ACTR3B: variants seen among roughly 807,000 people sequenced by gnomAD.
ACTR3B encodes the protein actin related protein 3B.
A neutral mutation model predicts 59.0 loss-of-function variants in ACTR3B; 8 were observed. That is an observed-to-expected ratio of 0.14 (90% CI 0.08 to 0.24). The LOEUF (loss-of-function observed/expected upper bound fraction) is 0.24, where lower values mean the gene tolerates loss of function less well. Ranked by LOEUF, ACTR3B falls within the 10% of genes least tolerant of loss-of-function variation. ACTR3B has a pLI of 1.00. For missense variants in ACTR3B, 245 were observed against 552.3 expected (o/e 0.44, Z 5.58); for synonymous variants, 148 against 197.9 (o/e 0.75, Z 2.12).
chr7:152,759,985 G>A, intron 1 of ACTR3B, 59 bp downstream of exon 1: 6 of 1,282,006 alleles, frequency 4.7e-6, no homozygotes, highest in Non-Finnish European at 6.0e-6. Flanking sequence ...GGCCCCTGGC[G>A]TCCACCTCGC....
chr7:152,792,716 C>G (rs574803204), intron 2 of ACTR3B, among the ~76,000 whole-genome samples: 2 of 152,162 alleles, frequency 1.3e-5, no homozygotes, highest in South Asian at 4.1e-4. Context: ...CCACTGCACT[C>G]CAGCCTGGGT....
intron 1 of ACTR3B, among the ~76,000 whole-genome samples, chr7:152,770,885 A>G (rs1184295245): frequency 6.9e-6 from 1 of 144,096 alleles, no homozygotes; most frequent in Non-Finnish European, 1.5e-5. Context: ...ACAGAAAATA[A>G]GGAAGGAAAC....
chr7:152,784,448 CG>C (rs1463057013), intron 2 of ACTR3B, among the ~76,000 whole-genome samples: 23 of 152,018 alleles, frequency 1.5e-4, no homozygotes, highest in Non-Finnish European at 2.5e-4. Flanking sequence ...AACCTCATTC[CG>C]GTTCCTTGCT....
rs990941461 is a variant in ACTR3B at position 152,854,460 on chromosome 7, C to T, written c.1164C>T (p.Pro388=). ...WFGGSMLAST[P]EFFQVCHTKK... is the part of the protein sequence containing the mutation. Reference sequence around the variant, plus strand: ...TGTCTGCCTGTTGCCTCTCGTAGCCCGAGTTCTTTCAGGTCTGCCACACCA... The same window carrying T: ...TGTCTGCCTGTTGCCTCTCGTAGCCTGAGTTCTTTCAGGTCTGCCACACCA... The change falls in exon 12 of 12, where the codon CCC becomes CCT. Residue 388 remains proline, a splice_region_variant and synonymous_variant. Transcript: ENST00000256001. This position sits in a 1 kb window ranked among gnomAD's most constrained non-coding sequence, Gnocchi z 4.9. The T allele has an allele frequency of 1.4e-5, 23 of 1,613,788 alleles. No homozygotes were observed. Among genetic ancestry groups the T allele is most frequent in the Admixed American group, 6.7e-5 (4 of 59,988 alleles).
chr7:152,808,522 G>T (rs1262324357), intron 4 of ACTR3B, among the ~76,000 whole-genome samples: 1 of 152,014 alleles, frequency 6.6e-6, no homozygotes, highest in Admixed American at 6.6e-5. Flanking sequence ...GGGTTAATCT[G>T]ATTCTTGTTG....
intron 1 of ACTR3B, among the ~76,000 whole-genome samples, chr7:152,766,183 T>A (rs1157979908): frequency 6.6e-6 from 1 of 152,168 alleles, no homozygotes; most frequent in Non-Finnish European, 1.5e-5. Flanking sequence ...AGGGAAAAGA[T>A]GTGGGGTGGA....
At chr7:152,767,163 G>A (rs2116503569) in intron 1 of ACTR3B, among the ~76,000 whole-genome samples, 1 of 151,402 alleles carries the variant, frequency 6.6e-6, no homozygotes, top group Non-Finnish European at 1.5e-5. Context: ...TTTATCCTGA[G>A]ATAAGGTATG....
chr7:152,846,469 G>A (rs1444622742), intron 9 of ACTR3B, among the ~76,000 whole-genome samples: 1 of 143,680 alleles, frequency 7.0e-6, no homozygotes, highest in African/African-American at 2.6e-5. Flanking sequence ...CCGGGCTGTA[G>A]TCTGTAGTGA....
intron 4 of ACTR3B, among the ~76,000 whole-genome samples, chr7:152,804,414 G>C (rs1473027736): frequency 2.6e-5 from 4 of 152,196 alleles, no homozygotes; most frequent in Non-Finnish European, 5.9e-5. Flanking sequence ...GAGAGCGGGG[G>C]AGTGTGGAGA....
chr7:152,792,841 T>C (rs1324775496), intron 2 of ACTR3B, among the ~76,000 whole-genome samples: 3 of 152,194 alleles, frequency 2.0e-5, no homozygotes, highest in Non-Finnish European at 2.9e-5. Context: ...GTAGGTGTGC[T>C]GTTGACAAAT....
chr7:152,767,168 G>A (rs968799247), intron 1 of ACTR3B, among the ~76,000 whole-genome samples: 1 of 151,700 alleles, frequency 6.6e-6, no homozygotes, highest in African/African-American at 2.4e-5. Flanking sequence ...CCTGAGATAA[G>A]GTATGAAGAA....
At chr7:152,785,478 A>G (rs1767451494) in intron 2 of ACTR3B, among the ~76,000 whole-genome samples, 1 of 41,368 alleles carries the variant, frequency 2.4e-5, no homozygotes. Context: ...GGGGAGGGAG[A>G]GAGAGAGAGA....
At chr7:152,848,431 G>A (rs1005374191) in intron 9 of ACTR3B, among the ~76,000 whole-genome samples, 14 of 152,198 alleles carry the variant, frequency 9.2e-5, no homozygotes, top group Non-Finnish European at 1.8e-4. Context: ...GTTGTCTGTG[G>A]TGGGCTTTAA....
At chr7:152,847,559 G>A (rs1273366450) in intron 9 of ACTR3B, among the ~76,000 whole-genome samples, 2 of 152,156 alleles carry the variant, frequency 1.3e-5, no homozygotes, top group East Asian at 3.8e-4. Flanking sequence ...CTTTTAGTGT[G>A]GAAAATTTGA....
At chr7:152,774,447 T>G (rs1313962175) in intron 1 of ACTR3B, among the ~76,000 whole-genome samples, 2 of 152,304 alleles carry the variant, frequency 1.3e-5, no homozygotes, top group East Asian at 3.9e-4. Context: ...ACATTTTTTT[T>G]TTTTAATTTT....
At chr7:152,778,059 A>G (rs1452138984) in intron 1 of ACTR3B, among the ~76,000 whole-genome samples, 1 of 151,978 alleles carries the variant, frequency 6.6e-6, no homozygotes, top group Non-Finnish European at 1.5e-5. Context: ...ACAGTGTAAA[A>G]TCAGAATAAT....
chr7:152,765,432 T>A (rs1390123017), intron 1 of ACTR3B, among the ~76,000 whole-genome samples: 8 of 147,508 alleles, frequency 5.4e-5, no homozygotes, highest in Non-Finnish European at 7.5e-5. Flanking sequence ...TTTTTTTTTT[T>A]AAATAGTCAT....
chr7:152,836,473 G>C (rs1229485999), intron 9 of ACTR3B, among the ~76,000 whole-genome samples: 2 of 151,974 alleles, frequency 1.3e-5, no homozygotes, highest in African/African-American at 4.8e-5. Flanking sequence ...TGTGGTCCCA[G>C]CTACTTGGGA....
chr7:152,807,719 A>C (rs1335181832), intron 4 of ACTR3B, among the ~76,000 whole-genome samples: 4 of 152,236 alleles, frequency 2.6e-5, no homozygotes, highest in Non-Finnish European at 5.9e-5. Context: ...TGCATTTTTG[A>C]TAACTTTGAC....
Sources: allele counts gnomAD v4.1 joint callset (sites outside exome capture counted in the v4.1 genomes callset), GRCh38; gene constraint gnomAD v4.1.1; non-coding constraint Gnocchi (gnomAD v3.1); transcripts MANE v1.5; gene names NCBI Gene and HGNC (gene_info 2026-07-23, HGNC 2026-07-21).